Variants in FRY observed in about 807,000 individuals in gnomAD.
FRY encodes the protein FRY microtubule binding protein.
FRY carries 128 observed loss-of-function variants against 348.4 expected under a neutral mutation model. The observed-to-expected ratio is 0.37, with a 90% CI of 0.32 to 0.43. FRY has a LOEUF of 0.43. Ranked by LOEUF, FRY falls within the 20% of genes least tolerant of loss-of-function variation. The probability of loss-of-function intolerance (pLI) is 1.00; values close to 1 mark genes in which losing one functional copy is unlikely to be tolerated. For missense variants in FRY, 2,736 were observed against 3,695.2 expected, an observed-to-expected ratio of 0.74 and a Z score of 6.73; for synonymous variants, 1,370 against 1,374.7, an observed-to-expected ratio of 1.00 and a Z score of 0.08.
chr13:32,124,229 G>A, intron 4 of FRY, 57 bp from the exon 5 acceptor site: 7 of 1,036,668 alleles, frequency 6.8e-6, no homozygotes, highest in Non-Finnish European at 1.1e-5. Context: ...TTTATGAATT[G>A]TATTACTCTG....
In FRY at chr13:32,239,446, T is replaced by C; in HGVS notation, c.6516+97T>C. On this transcript the variant is annotated intron_variant, in intron 45 of 60. Transcript: ENST00000542859. This position sits in a 1 kb window ranked among gnomAD's most constrained non-coding sequence, Gnocchi z 4.3. ...CAAGGCCCAGAGATGGCAGTGATTT[T>C]CTCAAAAACTGGAAATAATAACTAA... 1 of 821,690 alleles carries C rather than the reference T, an allele frequency of 1.2e-6. No homozygotes were observed. The highest frequency in any genetic ancestry group is 2.4e-5 in the East Asian group (1 of 41,024). The allele number at this position is 821,690 out of a possible 1,614,324, so 50.9% of individuals were successfully genotyped here. A position where few individuals can be genotyped will look rare whatever the true frequency, so the allele number is the denominator to read the frequency against.
At chr13:32,211,973 A>T (rs913188230) in intron 34 of FRY, among the ~76,000 whole-genome samples, 1 of 152,222 alleles carries the variant, frequency 6.6e-6, no homozygotes, top group African/African-American at 2.4e-5. Flanking sequence ...AGAAATACTA[A>T]AGCAGCCAAC....
At chr13:32,085,433 A>G (rs1875793459) in intron 2 of FRY, among the ~76,000 whole-genome samples, 1 of 152,220 alleles carries the variant, frequency 6.6e-6, no homozygotes, top group Admixed American at 6.5e-5. Context: ...CAAAAGAGAT[A>G]AAGTTAAAGA....
At chr13:32,181,678 A>G (rs1882722304) in intron 23 of FRY, among the ~76,000 whole-genome samples, 2 of 152,004 alleles carry the variant, frequency 1.3e-5, no homozygotes, top group African/African-American at 4.8e-5. Flanking sequence ...ATTGTTTTGC[A>G]TATATAGACC....
At chr13:32,268,685 G>GA (rs1888070138) in intron 55 of FRY, among the ~76,000 whole-genome samples, 1 of 150,224 alleles carries the variant, frequency 6.7e-6, no homozygotes, top group Non-Finnish European at 1.5e-5. Context: ...ATTTTTTGGG[G>GA]GGGTGGGGAG....
At chr13:32,076,128 T>G (rs757944587) in intron 1 of FRY, among the ~76,000 whole-genome samples, 1 of 152,190 alleles carries the variant, frequency 6.6e-6, no homozygotes. Flanking sequence ...TGCAGCCTTG[T>G]AGGAGGACTG....
Position 32,250,859 on chromosome 13 carries a change from A to G in FRY, c.7171-1019A>G, listed in dbSNP as rs182500369. ...TGGAAGAGAGAAGAAAATACAGCCCAATGTGTTCCTCTACATTGATTCCTT... is the reference window on the plus strand; with the variant it reads ...TGGAAGAGAGAAGAAAATACAGCCCGATGTGTTCCTCTACATTGATTCCTT... On this transcript the variant is annotated intron_variant, in intron 49 of 60. Coordinates refer to ENST00000542859, the MANE Select transcript of FRY (RefSeq NM_023037.3). 7.2e-5 allele frequency among the ~76,000 whole-genome samples: 11 copies of G among 152,318 alleles called. No homozygotes were observed. The East Asian group carries it at 1.9e-3, about 27-fold the overall frequency.
chr13:32,073,337 G>A lies in FRY; in HGVS notation c.71-5497G>A, dbSNP rs535663729. Among the ~76,000 whole-genome samples, 11 of 152,296 alleles carry A rather than the reference G, an allele frequency of 7.2e-5. No individual in the cohort carries two copies. The East Asian group carries it at 9.6e-4, about 13-fold the overall frequency. Reference sequence around the variant, plus strand: ...TGGATCAGGAAAACAGATTCTGCCCGAGCCATGTGTGCCTGGATTTTCTTA... The same window carrying A: ...TGGATCAGGAAAACAGATTCTGCCCAAGCCATGTGTGCCTGGATTTTCTTA... On this transcript the variant is annotated intron_variant, in intron 1 of 60. Coordinates refer to ENST00000542859, the MANE Select transcript of FRY (RefSeq NM_023037.3).
chr13:32,235,810 G>A (rs1024302221), intron 42 of FRY, among the ~76,000 whole-genome samples: 2 of 152,098 alleles, frequency 1.3e-5, no homozygotes, highest in Non-Finnish European at 2.9e-5. Flanking sequence ...CCTCCCCTCA[G>A]CAGAGGGTCA....
At chr13:32,077,598 T>C (rs554117762) in intron 1 of FRY, among the ~76,000 whole-genome samples, 1 of 152,262 alleles carries the variant, frequency 6.6e-6, no homozygotes, top group Admixed American at 6.5e-5. Flanking sequence ...TGTGTAACAA[T>C]GGGGACATGT....
At chr13:32,032,329 G>A (rs1178053874) in intron 1 of FRY, among the ~76,000 whole-genome samples, 1 of 152,084 alleles carries the variant, frequency 6.6e-6, no homozygotes, top group East Asian at 1.9e-4. Context: ...TTTTTTTAGG[G>A]TATTGTCTGA....
chr13:32,157,053 T>A (rs188942657), intron 15 of FRY, among the ~76,000 whole-genome samples: 63 of 152,340 alleles, frequency 4.1e-4, no homozygotes, highest in African/African-American at 1.3e-3. Context: ...AGTATTAGAA[T>A]TCCTATACAT....
intron 1 of FRY, among the ~76,000 whole-genome samples, chr13:32,057,844 C>T (rs1448839741): frequency 6.6e-6 from 1 of 152,096 alleles, no homozygotes; most frequent in Non-Finnish European, 1.5e-5. Flanking sequence ...CCTGTAGTCC[C>T]AGCTACTCGG....
At chr13:32,247,715 C>A (rs544366539) in intron 48 of FRY, among the ~76,000 whole-genome samples, 1 of 152,142 alleles carries the variant, frequency 6.6e-6, no homozygotes, top group Non-Finnish European at 1.5e-5. Flanking sequence ...TAGAAACTAG[C>A]CTCAGTTATG....
At chr13:32,086,496 A>G (rs978208544) in intron 2 of FRY, among the ~76,000 whole-genome samples, 3 of 152,160 alleles carry the variant, frequency 2.0e-5, no homozygotes, top group African/African-American at 7.2e-5. Context: ...CTGGGTTTAA[A>G]CTCACTTATT....
chr13:32,148,021 T>A, intron 13 of FRY, 74 bp downstream of exon 13: 1 of 862,424 alleles, frequency 1.2e-6, no homozygotes, highest in Non-Finnish European at 2.0e-6. Context: ...TATGAAGTAC[T>A]AAAAGACGGA....
chr13:32,236,021 T>C, intron 42 of FRY, 57 bp from the exon 43 acceptor site: 4 of 1,142,572 alleles, frequency 3.5e-6, no homozygotes, highest in Non-Finnish European at 5.3e-6. Context: ...AAATTTATCT[T>C]AGGAAATTAA....
Position 32,243,253 on chromosome 13 carries a change from A to G in FRY, c.6688-789A>G, listed in dbSNP as rs143445773. ...CCACTGCCTTTAAAAATGTCATTCTATTAACTGCATGACGTTTCATTATAC... is the reference window on the plus strand; with the variant it reads ...CCACTGCCTTTAAAAATGTCATTCTGTTAACTGCATGACGTTTCATTATAC... On this transcript the variant is annotated intron_variant, in intron 46 of 60. Transcript: ENST00000542859. Among the ~76,000 whole-genome samples the G allele has an allele frequency of 4.5e-3, 692 of 152,300 alleles. 4 individuals carry two copies. Among genetic ancestry groups the G allele is most frequent in the African/African-American group, 0.016 (665 of 41,554 alleles).
chr13:32,274,216 T>A (rs1437997147), intron 55 of FRY, among the ~76,000 whole-genome samples: 3 of 152,070 alleles, frequency 2.0e-5, no homozygotes, highest in African/African-American at 7.2e-5. Flanking sequence ...TTATAAAGAT[T>A]TAAAAGTAGG....
Sources: allele counts gnomAD v4.1 joint callset (sites outside exome capture counted in the v4.1 genomes callset), GRCh38; gene constraint gnomAD v4.1.1; non-coding constraint Gnocchi (gnomAD v3.1); transcripts MANE v1.5; gene names NCBI Gene and HGNC (gene_info 2026-07-23, HGNC 2026-07-21).